The following WIPF2 variants were observed in gnomAD, a reference collection of about 807,000 sequenced individuals.
The protein encoded by WIPF2 is WAS/WASL interacting protein family member 2.
Under a neutral mutation model 38.8 loss-of-function variants are expected in WIPF2, and 23 were observed. The observed-to-expected ratio is 0.59, with a 90% CI of 0.43 to 0.84. WIPF2 has a LOEUF of 0.84. Among genes scored for constraint, WIPF2 ranks in the 40% least tolerant of loss-of-function variants. The pLI is 0.00. For synonymous variants in WIPF2, 210 were observed against 223.2 expected (o/e 0.94, Z 0.53); for missense variants, 574 against 580.5 (o/e 0.99, Z 0.11).
intron 1 of WIPF2, among the ~76,000 whole-genome samples, chr17:40,254,179 G>A (rs2031648880): frequency 6.6e-6 from 1 of 152,044 alleles, no homozygotes; most frequent in Non-Finnish European, 1.5e-5. Context: ...ACCATGCCGG[G>A]CTAATTTTTG....
chr17:40,257,478 T>A (rs1340787869), intron 2 of WIPF2, among the ~76,000 whole-genome samples: 1 of 152,084 alleles, frequency 6.6e-6, no homozygotes, highest in Non-Finnish European at 1.5e-5. Context: ...GAAGCTACTT[T>A]AGCCATACCT....
intron 1 of WIPF2, among the ~76,000 whole-genome samples, chr17:40,245,851 G>A (rs2031344837): frequency 6.6e-6 from 1 of 152,168 alleles, no homozygotes; most frequent in African/African-American, 2.4e-5. Context: ...CTCAGTGGGT[G>A]CTTCAATATT....
intron 1 of WIPF2, among the ~76,000 whole-genome samples, chr17:40,222,175 T>A (rs140794812): frequency 1 from 10 of 10 alleles, 5 homozygotes; most frequent in Non-Finnish European, 1. Flanking sequence ...TGGCTCAGCC[T>A]CCCAAGTAGC....
At chr17:40,263,769 C>A (rs1394984848) in intron 4 of WIPF2, among the ~76,000 whole-genome samples, 1 of 151,920 alleles carries the variant, frequency 6.6e-6, no homozygotes, top group South Asian at 2.1e-4. Flanking sequence ...TCTCAAACTT[C>A]TGACCTCAAG....
At position 40,278,345 on chromosome 17, in the gene WIPF2, G is replaced by A. The variant is rs2032471448; in HGVS notation, c.*120G>A. 1 of 1,192,596 alleles carries A rather than the reference G, an allele frequency of 8.4e-7. No homozygotes were observed. The highest frequency in any genetic ancestry group is 1.2e-6 in the Non-Finnish European group (1 of 833,856). The allele number at this position is 1,192,596 out of a possible 1,614,324, so 73.9% of individuals were successfully genotyped here. A position where few individuals can be genotyped will look rare whatever the true frequency, so the allele number is the denominator to read the frequency against. The stretch of plus-strand genomic sequence containing the variant: ...TAACATGTTTCTCCAATGCAATCAA[G>A]CCCTAGACTCCAAATGTCCTCCCAG... On this transcript the variant is annotated 3_prime_UTR_variant, in exon 8 of 8. Coordinates refer to ENST00000323571, the MANE Select transcript of WIPF2 (RefSeq NM_133264.5).
chr17:40,276,424 G>A (rs1467553115), intron 6 of WIPF2, among the ~76,000 whole-genome samples: 1 of 150,458 alleles, frequency 6.6e-6, no homozygotes, highest in Non-Finnish European at 1.5e-5. Flanking sequence ...GGGACGCTGG[G>A]GCAGGAGAAT....
At chr17:40,221,605 G>A (rs1250842356) in intron 1 of WIPF2, among the ~76,000 whole-genome samples, 2 of 149,568 alleles carry the variant, frequency 1.3e-5, no homozygotes, top group Non-Finnish European at 3.0e-5. Context: ...GTTTAAGACG[G>A]AGTCTCGCTC....
intron 1 of WIPF2, among the ~76,000 whole-genome samples, chr17:40,243,097 G>A (rs907662417): frequency 2.3e-4 from 35 of 152,292 alleles, no homozygotes; most frequent in African/African-American, 7.9e-4. Flanking sequence ...TTAGATGAGA[G>A]GACTCAGCTC....
intron 6 of WIPF2, among the ~76,000 whole-genome samples, chr17:40,275,728 G>T (rs2145415419): frequency 6.6e-6 from 1 of 152,198 alleles, no homozygotes; most frequent in South Asian, 2.1e-4. Context: ...ACCATGCCTG[G>T]CTAATTTTGT....
chr17:40,260,554 A>T lies in WIPF2; in HGVS notation c.83A>T (p.Lys28Met), dbSNP rs1298292019. 3 of 1,613,890 alleles carry T rather than the reference A, an allele frequency of 1.9e-6. No individual in the cohort carries two copies. The South Asian group carries it at 3.3e-5, about 18-fold the overall frequency. Residue 28 changes from lysine to methionine, a missense_variant, in exon 3 of 8, where the codon AAG (lysine) becomes ATG (methionine). Coordinates refer to ENST00000323571, the MANE Select transcript of WIPF2 (RefSeq NM_133264.5). ...TFHQANTEQP[K>M]LSRDEQRGRG... ...CTCCAGGCAAACACAGAGCAGCCCA[A>T]GCTGAGTAGAGATGAGCAGCGGGGT...
rs889303920 is a variant in WIPF2, at chr17:40,258,360, G to A, written c.63+1838G>A. ...ATTGCACCCAGCACTTTGGGAGGCCGAGGCGGGCAGATCACGAGGTCAGGA... is the reference window on the plus strand; with the variant it reads ...ATTGCACCCAGCACTTTGGGAGGCCAAGGCGGGCAGATCACGAGGTCAGGA... On this transcript the variant is annotated intron_variant, in intron 2 of 7. Coordinates refer to ENST00000323571, the MANE Select transcript of WIPF2 (RefSeq NM_133264.5). 8.5e-5 allele frequency among the ~76,000 whole-genome samples: 13 copies of A among 152,158 alleles called. No homozygotes were observed. The South Asian group carries it at 1.2e-3, about 15-fold the overall frequency.
At chr17:40,264,110 A>C (rs1269363151) in intron 4 of WIPF2, among the ~76,000 whole-genome samples, 1 of 151,926 alleles carries the variant, frequency 6.6e-6, no homozygotes, top group African/African-American at 2.4e-5. Flanking sequence ...AGGTGGGCAG[A>C]TCACCTGAGG....
chr17:40,249,989 T>C (rs547002096), intron 1 of WIPF2, among the ~76,000 whole-genome samples: 4 of 151,434 alleles, frequency 2.6e-5, no homozygotes, highest in Admixed American at 1.3e-4. Context: ...CCTGCCACCA[T>C]GCCTGGCTAA....
chr17:40,270,361 G>A (rs1360225793), intron 5 of WIPF2, among the ~76,000 whole-genome samples: 2 of 133,832 alleles, frequency 1.5e-5, no homozygotes, highest in African/African-American at 2.8e-5. Flanking sequence ...GCGAGACTCC[G>A]TCTCAAAAAA....
At position 40,264,623 on chromosome 17, in the gene WIPF2, C is replaced by T. The variant is rs753666047; in HGVS notation, c.447C>T (p.Pro149=). The T allele has an allele frequency of 1.2e-6, 2 of 1,614,108 alleles. No individual in the cohort carries two copies. Among genetic ancestry groups the T allele is most frequent in the Non-Finnish European group, 1.7e-6 (2 of 1,179,998 alleles). The change falls in exon 5 of 8, where the codon CCC becomes CCT. Residue 149 remains proline (P), a synonymous_variant. Transcript: ENST00000323571. ...DSSRASLPEL[P]RMQRPSLPDL... Reference sequence around the variant, plus strand: ...GCCGGGCCTCACTCCCAGAACTGCCCCGGATGCAGAGACCCTCTTTACCGG... The same window carrying T: ...GCCGGGCCTCACTCCCAGAACTGCCTCGGATGCAGAGACCCTCTTTACCGG...
intron 4 of WIPF2, among the ~76,000 whole-genome samples, chr17:40,263,645 C>T (rs2031986305): frequency 6.8e-6 from 1 of 148,026 alleles, no homozygotes. Context: ...TGGGTTCAAG[C>T]CATTCTCCTG....
In WIPF2 at chr17:40,278,267, CTCT is replaced by C; in HGVS notation, c.*49_*51del. The C allele has an allele frequency of 1.9e-6, 3 of 1,607,444 alleles. No homozygotes were observed. The highest frequency in any genetic ancestry group is 2.6e-6 in the Non-Finnish European group (3 of 1,176,170). On this transcript the variant is annotated 3_prime_UTR_variant, in exon 8 of 8. Coordinates refer to ENST00000323571, the MANE Select transcript of WIPF2 (RefSeq NM_133264.5). ...GTTCCTCAGGAAAAGGATGGACCTT[CTCT>C]TCTTCTCAGATGGTCCCTTCCATTC...
chr17:40,254,446 C>T lies in WIPF2; in HGVS notation c.-69-1945C>T, dbSNP rs369012289. ...ATGGTGGCCATGTTATTTTGGCTTCCATTTTTTGGGGGGAGGGGGTCAAAA... is the reference window on the plus strand; with the variant it reads ...ATGGTGGCCATGTTATTTTGGCTTCTATTTTTTGGGGGGAGGGGGTCAAAA... On this transcript the variant is annotated intron_variant, in intron 1 of 7. Coordinates refer to ENST00000323571, the MANE Select transcript of WIPF2 (RefSeq NM_133264.5). 8.5e-5 allele frequency among the ~76,000 whole-genome samples: 13 copies of T among 152,162 alleles called. No homozygotes were observed. In the South Asian group the frequency reaches 2.7e-3, roughly 32 times the overall value.
intron 1 of WIPF2, among the ~76,000 whole-genome samples, chr17:40,254,188 T>C (rs1405448700): frequency 6.6e-6 from 1 of 152,088 alleles, no homozygotes; most frequent in African/African-American, 2.4e-5. Flanking sequence ...GGCTAATTTT[T>C]GTATTTTTGG....
Sources: allele counts gnomAD v4.1 joint callset (sites outside exome capture counted in the v4.1 genomes callset), GRCh38; gene constraint gnomAD v4.1.1; transcripts MANE v1.5; gene names NCBI Gene and HGNC (gene_info 2026-07-23, HGNC 2026-07-21).